ESRRG: variants seen among roughly 807,000 people sequenced by gnomAD.
ESRRG encodes the protein estrogen-related receptor gamma.
In ESRRG, 13 loss-of-function variants were observed where a neutral mutation model predicts 44.0. The ratio of observed to expected loss-of-function variants is 0.30; its 90% CI spans 0.19 to 0.47. ESRRG has a LOEUF of 0.47. Ranked by LOEUF, ESRRG falls within the 20% of genes least tolerant of loss-of-function variation. ESRRG has a pLI of 1.00. For missense variants in ESRRG, 395 were observed against 580.6 expected (o/e 0.68, Z 3.29); for synonymous variants, 215 against 214.6 (o/e 1.00, Z -0.02).
intron 3 of ESRRG, among the ~76,000 whole-genome samples, chr1:216,627,360 C>G (rs2063355593): frequency 6.6e-6 from 1 of 152,236 alleles, no homozygotes; most frequent in African/African-American, 2.4e-5. Flanking sequence ...AATTCCCCTC[C>G]TTTTCTTTTT....
At chr1:216,583,499 A>G (rs1407078840) in intron 3 of ESRRG, among the ~76,000 whole-genome samples, 1 of 152,222 alleles carries the variant, frequency 6.6e-6, no homozygotes. Context: ...TGCCCTCATC[A>G]GTCAAGAAGG....
intron 3 of ESRRG, among the ~76,000 whole-genome samples, chr1:216,633,298 G>T (rs1301716701): frequency 2.0e-5 from 3 of 152,208 alleles, no homozygotes; most frequent in African/African-American, 7.2e-5. Context: ...GAGCAAGGTG[G>T]TGGCGAGACA....
intron 2 of ESRRG, among the ~76,000 whole-genome samples, chr1:216,832,608 C>T (rs977954042): frequency 6.6e-6 from 1 of 152,178 alleles, no homozygotes; most frequent in Non-Finnish European, 1.5e-5. Context: ...TCTGGTGGTG[C>T]ACCCAACTCA....
At chr1:217,107,481 G>A (rs763678083) in intron 1 of ESRRG, among the ~76,000 whole-genome samples, 6 of 152,182 alleles carry the variant, frequency 3.9e-5, no homozygotes, top group Admixed American at 3.3e-4. Context: ...CTTATATATT[G>A]CACTTTTTCC....
chr1:216,985,077 T>C (rs968628256), intron 1 of ESRRG, among the ~76,000 whole-genome samples: 2 of 152,212 alleles, frequency 1.3e-5, no homozygotes, highest in Non-Finnish European at 2.9e-5. Flanking sequence ...TGGAACCCCT[T>C]TATGGCAGGT....
intron 2 of ESRRG, among the ~76,000 whole-genome samples, chr1:216,820,528 A>T (rs1256332126): frequency 1.3e-5 from 2 of 152,098 alleles, no homozygotes; most frequent in Non-Finnish European, 2.9e-5. Flanking sequence ...TTTCAGTTCA[A>T]ATTCCCATGC....
At chr1:216,549,699 C>G (rs1216620652) in intron 5 of ESRRG, among the ~76,000 whole-genome samples, 1 of 152,034 alleles carries the variant, frequency 6.6e-6, no homozygotes, top group Non-Finnish European at 1.5e-5. Context: ...TGGCTTAGAT[C>G]AAAAGAATAC....
At chr1:216,880,039 G>T (rs2096418102) in intron 2 of ESRRG, among the ~76,000 whole-genome samples, 1 of 151,886 alleles carries the variant, frequency 6.6e-6, no homozygotes, top group South Asian at 2.1e-4. Flanking sequence ...TGGGCATGGT[G>T]GCTCACATCT....
intron 3 of ESRRG, among the ~76,000 whole-genome samples, chr1:216,600,448 G>C (rs147282801): frequency 1.4e-4 from 21 of 152,186 alleles, no homozygotes; most frequent in African/African-American, 5.1e-4. Flanking sequence ...AGGGGGGCGG[G>C]TCAGGGGATA....
intron 3 of ESRRG, among the ~76,000 whole-genome samples, chr1:216,635,753 A>G (rs918226123): frequency 9.9e-5 from 15 of 152,236 alleles, no homozygotes; most frequent in African/African-American, 3.4e-4. Context: ...CACACAGAGC[A>G]TTATCGGGGA....
At chr1:216,592,970 C>T (rs181423568) in intron 3 of ESRRG, among the ~76,000 whole-genome samples, 282 of 152,314 alleles carry the variant, frequency 1.9e-3, no homozygotes, top group African/African-American at 6.6e-3. Context: ...GAAGGTGAGG[C>T]AGATTCAATC....
At chr1:216,681,431 T>C (rs2077008692) in intron 1 of ESRRG, among the ~76,000 whole-genome samples, 1 of 152,162 alleles carries the variant, frequency 6.6e-6, no homozygotes, top group South Asian at 2.1e-4. Flanking sequence ...CTCCTAATGC[T>C]ATCCCTCCCT....
rs1159886430 is a variant in ESRRG at position 216,783,292 on chromosome 1, A to G, written c.-13-105801T>C. 4.6e-5 allele frequency among the ~76,000 whole-genome samples: 7 copies of G among 152,154 alleles called. No individual in the cohort carries two copies. The East Asian group carries it at 1.2e-3, about 25-fold the overall frequency. On this transcript the variant is annotated intron_variant, in intron 2 of 7. Transcript: ENST00000359162. ...CTCCACAGAGTGACCATGTCTGAGA[A>G]AAAGGACTAATGACAACTACCACAC...
chr1:216,552,712 C>T (rs1478145781), intron 5 of ESRRG, among the ~76,000 whole-genome samples: 1 of 152,076 alleles, frequency 6.6e-6, no homozygotes, highest in Non-Finnish European at 1.5e-5. Flanking sequence ...ATACAAAGGT[C>T]TAGCAAATTA....
chr1:216,527,373 A>G (rs1029459236), intron 5 of ESRRG, among the ~76,000 whole-genome samples: 2 of 152,158 alleles, frequency 1.3e-5, no homozygotes, highest in African/African-American at 4.8e-5. Context: ...ACCCAGGGCT[A>G]GTCAAGCAAT....
At chr1:217,092,712 AT>A (rs1420137799), upstream of ESRRG, among the ~76,000 whole-genome samples, 2 of 152,156 alleles carry the variant, frequency 1.3e-5, no homozygotes, top group Admixed American at 6.5e-5. Context: ...CTGAACAAAT[AT>A]GCATTTTTCC....
At chr1:216,837,630 G>A (rs1397211830) in intron 2 of ESRRG, among the ~76,000 whole-genome samples, 1 of 152,074 alleles carries the variant, frequency 6.6e-6, no homozygotes, top group African/African-American at 2.4e-5. Context: ...CTGAGAGAGT[G>A]GGCTGGAGAT....
intron 3 of ESRRG, among the ~76,000 whole-genome samples, chr1:216,643,841 ACT>A (rs2150947573): frequency 6.6e-6 from 1 of 152,056 alleles, no homozygotes; most frequent in East Asian, 1.9e-4. Context: ...AGACTCATAA[ACT>A]CTGCTGCTTA....
chr1:217,115,488 A>G (rs1020345889), intron 1 of ESRRG, among the ~76,000 whole-genome samples: 1 of 152,090 alleles, frequency 6.6e-6, no homozygotes, highest in African/African-American at 2.4e-5. Flanking sequence ...TCTCTACTGC[A>G]TATCCTATGC....
Sources: allele counts gnomAD v4.1 joint callset (sites outside exome capture counted in the v4.1 genomes callset), GRCh38; gene constraint gnomAD v4.1.1; transcripts MANE v1.5; gene names NCBI Gene and HGNC (gene_info 2026-07-23, HGNC 2026-07-21).